The following PHKB variants were observed in gnomAD, a reference collection of about 807,000 sequenced individuals.
PHKB encodes the protein phosphorylase b kinase regulatory subunit beta.
PHKB carries 122 observed loss-of-function variants against 152.1 expected under a neutral mutation model. The ratio of observed to expected loss-of-function variants is 0.80; its 90% confidence interval spans 0.69 to 0.93. The LOEUF is 0.93. Ranked by LOEUF, PHKB falls within the 40% of genes least tolerant of loss-of-function variation. The pLI is 0.00. For synonymous variants in PHKB, 436 were observed against 464.9 expected (o/e 0.94, Z 0.80); for missense variants, 1,304 against 1,328.4 (o/e 0.98, Z 0.29).
At chr16:47,574,694 A>T (rs1971720476) in intron 7 of PHKB, among the ~76,000 whole-genome samples, 1 of 152,162 alleles carries the variant, frequency 6.6e-6, no homozygotes, top group African/African-American at 2.4e-5. Context: ...TTCAACAACC[A>T]GTTCTCACGG....
At chr16:47,651,138 A>G (rs1973230403) in intron 20 of PHKB, among the ~76,000 whole-genome samples, 1 of 152,210 alleles carries the variant, frequency 6.6e-6, no homozygotes, top group Non-Finnish European at 1.5e-5. Flanking sequence ...TTTAGACTTC[A>G]GTAGCTCATC....
intron 4 of PHKB, chr16:47,505,566 T>C (rs1395874718): frequency 2.6e-5 from 4 of 152,088 alleles, no homozygotes; most frequent in Admixed American, 6.5e-5. Flanking sequence ...ACAGTAAATA[T>C]TTGTGTCGTT....
intron 1 of PHKB, among the ~76,000 whole-genome samples, chr16:47,467,929 A>G (rs1242031263): frequency 6.6e-6 from 1 of 152,198 alleles, no homozygotes; most frequent in East Asian, 1.9e-4. Flanking sequence ...AAATGGGTAT[A>G]TGGTGGGCAT....
chr16:47,560,504 T>C (rs1475818753), intron 7 of PHKB, among the ~76,000 whole-genome samples: 1 of 152,214 alleles, frequency 6.6e-6, no homozygotes, highest in East Asian at 1.9e-4. Context: ...CTCACACTTT[T>C]CAATTTCAAA....
chr16:47,558,004 A>C (rs1255076669), intron 7 of PHKB, among the ~76,000 whole-genome samples: 1 of 151,702 alleles, frequency 6.6e-6, no homozygotes, highest in Non-Finnish European at 1.5e-5. Context: ...ACAATGATAG[A>C]CTGGATTAAG....
At chr16:47,530,310 A>C (rs1013201219) in intron 6 of PHKB, among the ~76,000 whole-genome samples, 2 of 151,936 alleles carry the variant, frequency 1.3e-5, no homozygotes, top group Non-Finnish European at 2.9e-5. Context: ...TAATGTTTGT[A>C]TTTTTAGTAG....
chr16:47,648,617 G>T lies in PHKB; in HGVS notation c.1692+1G>T. On this transcript the variant is annotated splice_donor_variant, in intron 17 of 30. Coordinates refer to ENST00000323584, the MANE Select transcript of PHKB (RefSeq NM_000293.3). LOFTEE classifies it high-confidence loss of function. ...CATTGGCTGCCTCGGGACATCAAAG[G>T]TACTCATGAAATGTCCTCAAAAAGT... is the stretch of plus-strand genomic sequence containing the variant. The T allele has an allele frequency of 1.2e-6, 2 of 1,606,138 alleles. No individual in the cohort carries two copies. The highest frequency in any genetic ancestry group is 1.7e-6 in the Non-Finnish European group (2 of 1,172,848).
intron 1 of PHKB, chr16:47,463,967 C>T (rs770256963): frequency 6.2e-7 from 1 of 1,613,712 alleles, no homozygotes; most frequent in Admixed American, 1.7e-5. Flanking sequence ...GCAGTCGTCT[C>T]TCCGTCTTCC....
At chr16:47,591,998 T>C (rs1262506029) in intron 10 of PHKB, among the ~76,000 whole-genome samples, 1 of 152,134 alleles carries the variant, frequency 6.6e-6, no homozygotes, top group Non-Finnish European at 1.5e-5. Context: ...ACATTTTGGG[T>C]TATCACAATA....
At chr16:47,498,514 A>G (rs1970270666) in intron 2 of PHKB, among the ~76,000 whole-genome samples, 1 of 152,170 alleles carries the variant, frequency 6.6e-6, no homozygotes, top group Non-Finnish European at 1.5e-5. Flanking sequence ...CGTCTCTACT[A>G]AAAATACAAA....
chr16:47,585,262 T>G (rs1001875184), intron 8 of PHKB, among the ~76,000 whole-genome samples: 6 of 152,350 alleles, frequency 3.9e-5, no homozygotes, highest in African/African-American at 1.4e-4. Flanking sequence ...TCTGATACTC[T>G]GAAGTGACAT....
At chr16:47,634,486 AC>A (rs1972882403) in intron 14 of PHKB, among the ~76,000 whole-genome samples, 1 of 152,048 alleles carries the variant, frequency 6.6e-6, no homozygotes, top group African/African-American at 2.4e-5. Flanking sequence ...GGAATGAATA[AC>A]AATAAATGAT....
At chr16:47,515,279 T>A (rs1258161387) in intron 5 of PHKB, among the ~76,000 whole-genome samples, 1 of 152,248 alleles carries the variant, frequency 6.6e-6, no homozygotes, top group East Asian at 1.9e-4. Context: ...ACAGTTTTAT[T>A]TGAAGCCGTT....
intron 14 of PHKB, among the ~76,000 whole-genome samples, chr16:47,617,750 C>G (rs1972544432): frequency 1.3e-5 from 2 of 152,182 alleles, no homozygotes; most frequent in Non-Finnish European, 2.9e-5. Flanking sequence ...ACCATCCCAT[C>G]CAGAGGTGAC....
At chr16:47,689,249 C>G in intron 27 of PHKB, 74 bp downstream of exon 27, 1 of 1,440,608 alleles carries the variant, frequency 6.9e-7, no homozygotes, top group Non-Finnish European at 9.8e-7. Flanking sequence ...CTTGATATAT[C>G]TATGAAATTG....
At chr16:47,602,641 G>T (rs1972251582) in intron 13 of PHKB, among the ~76,000 whole-genome samples, 1 of 151,106 alleles carries the variant, frequency 6.6e-6, no homozygotes, top group African/African-American at 2.4e-5. Context: ...GACAGTCCAG[G>T]ATTTGAATGT....
intron 7 of PHKB, among the ~76,000 whole-genome samples, chr16:47,558,164 C>CA (rs1971411648): frequency 6.8e-6 from 1 of 146,260 alleles, no homozygotes; most frequent in African/African-American, 2.5e-5. Flanking sequence ...TGTTCTCACT[C>CA]ATAGGTGGGA....
chr16:47,598,356 G>C (rs1281519287), intron 13 of PHKB, among the ~76,000 whole-genome samples: 1 of 151,960 alleles, frequency 6.6e-6, no homozygotes, highest in African/African-American at 2.4e-5. Flanking sequence ...TTTACTTTTT[G>C]ATTATGGTCT....
intron 20 of PHKB, among the ~76,000 whole-genome samples, chr16:47,651,486 A>G (rs1046068663): frequency 6.6e-6 from 1 of 152,124 alleles, no homozygotes; most frequent in East Asian, 1.9e-4. Context: ...TGCCTGGACT[A>G]TCCTTCCTTC....
Sources: allele counts gnomAD v4.1 joint callset (sites outside exome capture counted in the v4.1 genomes callset), GRCh38; gene constraint gnomAD v4.1.1; transcripts MANE v1.5; gene names NCBI Gene and HGNC (gene_info 2026-07-23, HGNC 2026-07-21).